Variants in LRCH2 observed in about 807,000 individuals in gnomAD.
LRCH2 encodes leucine-rich repeat and calponin homology domain-containing protein 2.
Under a neutral mutation model 68.9 loss-of-function variants are expected in LRCH2, and 38 were observed. The ratio of observed to expected loss-of-function variants is 0.55; its 90% CI spans 0.43 to 0.72. LRCH2 has a LOEUF of 0.72. LRCH2 is among the 30% of genes least tolerant of loss of function. LRCH2 has a pLI of 0.00. For synonymous variants in LRCH2, 191 were observed against 208.1 expected, an observed-to-expected ratio of 0.92 and a Z score of 0.71; for missense variants, 528 against 572.9, an observed-to-expected ratio of 0.92 and a Z score of 0.80.
At chrX:115,127,138 A>T (rs2072206904) in intron 15 of LRCH2, among the ~76,000 whole-genome samples, 1 of 111,115 alleles carries the variant, frequency 9.0e-6, no homozygotes, top group Non-Finnish European at 1.9e-5. Context: ...TCTACATTTC[A>T]GTAAGACCCT....
chrX:115,227,837 A>G (rs185080905), intron 1 of LRCH2, among the ~76,000 whole-genome samples: 73 of 110,531 alleles, frequency 6.6e-4, no homozygotes, highest in African/African-American at 2.3e-3. Context: ...GTCACCTTGA[A>G]TCTCTAATAT....
intron 1 of LRCH2, chrX:115,191,631 G>A (rs1556559765): frequency 8.6e-7 from 1 of 1,159,959 alleles, no homozygotes; most frequent in Admixed American, 2.6e-5. Flanking sequence ...CCTACAGCCG[G>A]GGCCACGACA....
chrX:115,189,376 A>G (rs1603071468), intron 1 of LRCH2: 1 of 1,103,863 alleles, frequency 9.1e-7, no homozygotes, highest in Non-Finnish European at 1.2e-6. Flanking sequence ...GAGCGCTCGA[A>G]GGCCGCGACT....
intron 12 of LRCH2, among the ~76,000 whole-genome samples, chrX:115,151,827 C>T (rs2072434199): frequency 9.0e-6 from 1 of 111,080 alleles, no homozygotes. Context: ...GAAAGAGTTT[C>T]CAGTCCACAT....
intron 5 of LRCH2, among the ~76,000 whole-genome samples, chrX:115,177,978 T>C (rs2072663839): frequency 8.9e-6 from 1 of 112,332 alleles, no homozygotes; most frequent in South Asian, 3.7e-4. Context: ...TGTCACACTA[T>C]ACACTTTCAA....
intron 11 of LRCH2, among the ~76,000 whole-genome samples, chrX:115,159,748 CAAA>C (rs71894663): frequency 1.4e-4 from 11 of 78,946 alleles, no homozygotes; most frequent in Admixed American, 2.9e-4. Context: ...GAGACTGTCT[CAAA>C]AAAAAAAAAA....
Position 115,189,381 on chromosome X carries a change from G to A in LRCH2, c.350-1011C>T, listed in dbSNP as rs1335768784. ...CCCTCCACGAGAGCGCTCGAAGGCC[G>A]CGACTGAACTGCCGCGTCATCACTT... On this transcript the variant is annotated intron_variant, in intron 1 of 20. Transcript: ENST00000317135. 21 of 1,111,590 alleles carry A rather than the reference G, an allele frequency of 1.9e-5. No individual in the cohort carries two copies. The Admixed American group carries it at 5.6e-4, about 30-fold the overall frequency. 91.6% of individuals were successfully genotyped at this position (1,111,590 alleles called of 1,213,427 possible).
rs782390196 is a variant in LRCH2, at chrX:115,188,464, C to T, written c.350-94G>A. 14 of 599,485 alleles carry T rather than the reference C, an allele frequency of 2.3e-5. No individual in the cohort carries two copies. The Admixed American group carries it at 3.5e-4, about 15-fold the overall frequency. 49.4% of individuals were successfully genotyped at this position (599,485 alleles called of 1,213,427 possible). ...CTTGCTGAATCACTTAGAATCTAAG[C>T]AACTACTTAAAATACTTTAAAATAT... is the stretch of plus-strand genomic sequence containing the variant. On this transcript the variant is annotated intron_variant, in intron 1 of 20. Coordinates refer to ENST00000317135, the MANE Select transcript of LRCH2 (RefSeq NM_020871.4).
At chrX:115,142,286 G>A (rs781986052) in intron 14 of LRCH2, among the ~76,000 whole-genome samples, 25 of 111,814 alleles carry the variant, frequency 2.2e-4, no homozygotes, top group African/African-American at 8.1e-4. Context: ...AGAACAATTG[G>A]ACTTAATCTG....
intron 14 of LRCH2, among the ~76,000 whole-genome samples, chrX:115,141,822 C>T (rs782765624): frequency 2.0e-5 from 2 of 102,125 alleles, no homozygotes; most frequent in South Asian, 4.7e-4. Context: ...TGCAGTGAGC[C>T]GAGATCATGC....
chrX:115,189,730 C>G lies in LRCH2; in HGVS notation c.350-1360G>C, dbSNP rs782401838. ...ATTCAAGAGCAGCCGATGGGTCCCG[C>G]CAACCCCCGGCAGCGGCAGTCGCTC... is the stretch of plus-strand genomic sequence containing the variant. On this transcript the variant is annotated intron_variant, in intron 1 of 20. Transcript: ENST00000317135. The G allele has an allele frequency of 1.8e-5, 21 of 1,166,033 alleles. No homozygotes were observed. In the South Asian group the frequency reaches 3.8e-4, roughly 21 times the overall value.
chrX:115,180,438 T>C (rs2072682982), intron 3 of LRCH2, among the ~76,000 whole-genome samples: 1 of 110,155 alleles, frequency 9.1e-6, no homozygotes, highest in Non-Finnish European at 1.9e-5. Flanking sequence ...TTGAGGTTTT[T>C]ATTTATTATC....
chrX:115,151,557 A>T (rs2147373862), intron 12 of LRCH2, among the ~76,000 whole-genome samples: 1 of 111,659 alleles, frequency 9.0e-6, no homozygotes, highest in Admixed American at 9.6e-5. Flanking sequence ...TAAATATTGG[A>T]ATAGAGAGAG....
chrX:115,189,355 G>A, intron 1 of LRCH2: 4 of 1,005,721 alleles, frequency 4.0e-6, no homozygotes, highest in South Asian at 2.4e-5. Flanking sequence ...GGTAGGAGCC[G>A]CCCTCCACGA....
At chrX:115,228,224 T>A (rs2073131553) in intron 1 of LRCH2, among the ~76,000 whole-genome samples, 1 of 112,025 alleles carries the variant, frequency 8.9e-6, no homozygotes, top group Admixed American at 9.5e-5. Context: ...ATTAAATGGT[T>A]CCCTGGCGTG....
chrX:115,160,837 C>G (rs2072513398), intron 11 of LRCH2, among the ~76,000 whole-genome samples: 2 of 111,406 alleles, frequency 1.8e-5, no homozygotes, highest in Admixed American at 9.5e-5. Context: ...GATTTTTGGT[C>G]TCATTCAAAT....
In LRCH2 at chrX:115,126,832, A is replaced by G. The variant is rs1344823204; in HGVS notation, c.1791+11T>C. 9 of 1,087,393 alleles carry G rather than the reference A, an allele frequency of 8.3e-6. No homozygotes were observed. The highest frequency in any genetic ancestry group is 9.6e-6 in the Non-Finnish European group (8 of 831,925). 89.6% of individuals were successfully genotyped at this position (1,087,393 alleles called of 1,213,427 possible). On this transcript the variant is annotated intron_variant, in intron 16 of 20. Coordinates refer to ENST00000317135, the MANE Select transcript of LRCH2 (RefSeq NM_020871.4). ...ACGTATTTTTAAGACAAATAAAAAC[A>G]GAACTTGTACCTCAGATGATACTGG... is the stretch of plus-strand genomic sequence containing the variant.
chrX:115,149,796 A>C, intron 14 of LRCH2, 31 bp downstream of exon 14: 1 of 951,474 alleles, frequency 1.1e-6, no homozygotes, highest in Non-Finnish European at 1.4e-6. Flanking sequence ...TAATAATTAC[A>C]AAGTAAATTT....
intron 20 of LRCH2, among the ~76,000 whole-genome samples, chrX:115,118,172 C>T (rs1368080220): frequency 9.1e-6 from 1 of 109,569 alleles, no homozygotes; most frequent in African/African-American, 3.3e-5. Context: ...CACAGTCAGA[C>T]TCCATCTCTA....
Sources: allele counts gnomAD v4.1 joint callset (sites outside exome capture counted in the v4.1 genomes callset), GRCh38; gene constraint gnomAD v4.1.1; transcripts MANE v1.5; gene names NCBI Gene and HGNC (gene_info 2026-07-23, HGNC 2026-07-21).